The following PDE4D variants were observed in gnomAD, a reference collection of about 807,000 sequenced individuals.
The protein encoded by PDE4D is phosphodiesterase 4D.
Under a neutral mutation model 87.4 loss-of-function variants are expected in PDE4D, and 24 were observed. The observed-to-expected ratio is 0.27, with a 90% CI of 0.20 to 0.39. The LOEUF (loss-of-function observed/expected upper bound fraction) is 0.39, where lower values mean the gene tolerates loss of function less well. Ranked by LOEUF, PDE4D falls within the 10% of genes least tolerant of loss-of-function variation. PDE4D has a pLI of 1.00. For missense variants in PDE4D, 714 were observed against 1,041.0 expected (o/e 0.69, Z 4.32); for synonymous variants, 384 against 383.2 (o/e 1.00, Z -0.02).
chr5:59,343,340 C>T (rs921553541), intron 1 of PDE4D, among the ~76,000 whole-genome samples: 1 of 152,084 alleles, frequency 6.6e-6, no homozygotes, highest in African/African-American at 2.4e-5. Context: ...TCCCATCACC[C>T]CCTGGTAACC....
rs1205199951 is a variant in PDE4D at position 59,053,638 on chromosome 5, G to GTTTTT, written c.809-14672_809-14668dup. 5.3e-4 allele frequency among the ~76,000 whole-genome samples: 45 copies of GTTTTT among 84,650 alleles called. 3 individuals carry two copies. The highest frequency in any genetic ancestry group is 1.9e-3 in the African/African-American group (38 of 19,720). The allele number at this position is 84,650 out of a possible 152,430, so 55.5% of individuals were successfully genotyped here. The stretch of plus-strand genomic sequence containing the variant: ...TAAGTTTTATGAATTAAGTTGTTTT[G>GTTTTT]TTTTTTGTTTTTTTTTGTTGTTGTT... On this transcript the variant is annotated intron_variant, in intron 5 of 14. Transcript: ENST00000340635.
intron 2 of PDE4D, among the ~76,000 whole-genome samples, chr5:60,106,638 C>T (rs1230523485): frequency 6.6e-6 from 1 of 151,726 alleles, no homozygotes; most frequent in Non-Finnish European, 1.5e-5. Context: ...TGTAAAAGAA[C>T]AGAAATTATA....
intron 6 of PDE4D, among the ~76,000 whole-genome samples, chr5:59,025,043 C>A (rs891131680): frequency 5.3e-5 from 8 of 151,890 alleles, no homozygotes; most frequent in Non-Finnish European, 1.2e-4. Context: ...AAAATTAGGA[C>A]TTTAGTTTTC....
chr5:60,034,942 C>T (rs146419453), intron 2 of PDE4D, among the ~76,000 whole-genome samples: 6 of 152,224 alleles, frequency 3.9e-5, no homozygotes, highest in African/African-American at 1.4e-4. Context: ...CACATGGTAG[C>T]CTGGAAGATC....
intron 1 of PDE4D, among the ~76,000 whole-genome samples, chr5:59,292,744 C>G (rs532881421): frequency 1.3e-5 from 2 of 152,198 alleles, no homozygotes; most frequent in South Asian, 4.1e-4. Context: ...ACTTCATTTT[C>G]CAGGTCTCAA....
chr5:59,209,113 G>A (rs187777459), intron 2 of PDE4D, among the ~76,000 whole-genome samples: 49 of 152,148 alleles, frequency 3.2e-4, no homozygotes, highest in Admixed American at 3.0e-3. Context: ...TTCACAGCTT[G>A]GAAACTGTTA....
intron 5 of PDE4D, among the ~76,000 whole-genome samples, chr5:59,146,413 C>A (rs1327259749): frequency 1.3e-5 from 2 of 152,034 alleles, no homozygotes; most frequent in African/African-American, 2.4e-5. Flanking sequence ...GCATACGAAT[C>A]AATTATCTTT....
chr5:59,080,966 TTCA>T (rs2153423423), intron 5 of PDE4D, among the ~76,000 whole-genome samples: 1 of 152,296 alleles, frequency 6.6e-6, no homozygotes, highest in East Asian at 1.9e-4. Context: ...TAAAAAGTTC[TTCA>T]TTGACATCCC....
At chr5:59,046,401 AGT>A (rs1247572463) in intron 5 of PDE4D, among the ~76,000 whole-genome samples, 76 of 148,676 alleles carry the variant, frequency 5.1e-4, no homozygotes, top group Admixed American at 2.8e-3. Context: ...GGCATGAAAG[AGT>A]GAGAGAGAGA....
chr5:60,138,342 C>G (rs1780226333), intron 2 of PDE4D, among the ~76,000 whole-genome samples: 1 of 152,100 alleles, frequency 6.6e-6, no homozygotes, highest in Admixed American at 6.6e-5. Context: ...CAGAACACAG[C>G]CAAAGGAAGA....
intron 1 of PDE4D, among the ~76,000 whole-genome samples, chr5:59,259,673 G>C (rs1761629438): frequency 6.6e-6 from 1 of 151,632 alleles, no homozygotes; most frequent in Admixed American, 6.6e-5. Flanking sequence ...AGAAAAAAAA[G>C]AACCTACTTT....
At chr5:59,619,887 A>G (rs1830141867) in intron 1 of PDE4D, among the ~76,000 whole-genome samples, 1 of 152,232 alleles carries the variant, frequency 6.6e-6, no homozygotes, top group Admixed American at 6.5e-5. Context: ...GGAGGAAGGC[A>G]GTAGGCAGAG....
chr5:60,398,870 G>T (rs1763079817), intron 1 of PDE4D, among the ~76,000 whole-genome samples: 1 of 152,080 alleles, frequency 6.6e-6, no homozygotes, highest in African/African-American at 2.4e-5. Flanking sequence ...AAGTCACACA[G>T]CTGAACAAGG....
chr5:60,450,623 A>C (rs1292177175), intron 1 of PDE4D, among the ~76,000 whole-genome samples: 1 of 152,150 alleles, frequency 6.6e-6, no homozygotes, highest in Non-Finnish European at 1.5e-5. Context: ...ATTTGGGAAA[A>C]TCACTTAACC....
chr5:59,904,573 T>C (rs1425130065), intron 3 of PDE4D, among the ~76,000 whole-genome samples: 3 of 152,174 alleles, frequency 2.0e-5, no homozygotes, highest in Non-Finnish European at 4.4e-5. Context: ...TCAAATGGTG[T>C]TTCCTCAAGT....
At chr5:60,162,769 A>G (rs1414396844) in intron 2 of PDE4D, among the ~76,000 whole-genome samples, 1 of 152,128 alleles carries the variant, frequency 6.6e-6, no homozygotes, top group African/African-American at 2.4e-5. Flanking sequence ...AAGAAAAAAA[A>G]AAGATGCTAC....
intron 1 of PDE4D, among the ~76,000 whole-genome samples, chr5:60,444,822 G>A (rs1018515343): frequency 6.6e-6 from 1 of 151,666 alleles, no homozygotes; most frequent in Non-Finnish European, 1.5e-5. Flanking sequence ...CGTTCTGGGG[G>A]GTCTGACTTT....
chr5:59,272,530 CA>C (rs1764015068), intron 1 of PDE4D, among the ~76,000 whole-genome samples: 1 of 150,968 alleles, frequency 6.6e-6, no homozygotes, highest in African/African-American at 2.5e-5. Context: ...CATGCAGGCA[CA>C]TTTTTTTAAA....
At chr5:59,974,357 A>G (rs923387868) in intron 3 of PDE4D, among the ~76,000 whole-genome samples, 1 of 152,226 alleles carries the variant, frequency 6.6e-6, no homozygotes, top group Non-Finnish European at 1.5e-5. Context: ...TTAGAGTTAG[A>G]TATAAAAATT....
Sources: gnomAD v4.1 joint callset for allele counts (sites outside exome capture counted in the v4.1 genomes callset) on GRCh38, gnomAD v4.1.1 for gene constraint, MANE v1.5 for transcripts, NCBI Gene and HGNC (gene_info 2026-07-23, HGNC 2026-07-21) for gene names.